ALDH1A2: variants seen among roughly 807,000 people sequenced by gnomAD.
The protein encoded by ALDH1A2 is aldehyde dehydrogenase 1 family member A2.
In ALDH1A2, 27 loss-of-function variants were observed where a neutral mutation model predicts 60.3. The observed-to-expected ratio is 0.45, with a 90% CI of 0.33 to 0.62. The LOEUF (loss-of-function observed/expected upper bound fraction) is 0.62, where lower values mean the gene tolerates loss of function less well. Among genes scored for constraint, ALDH1A2 ranks in the 20% least tolerant of loss-of-function variants. ALDH1A2 has a pLI of 0.02. For synonymous variants in ALDH1A2, 289 were observed against 232.4 expected, an observed-to-expected ratio of 1.24 and a Z score of -2.21; for missense variants, 581 against 643.8, an observed-to-expected ratio of 0.90 and a Z score of 1.06.
intron 1 of ALDH1A2, among the ~76,000 whole-genome samples, chr15:58,059,063 A>C (rs772260273): frequency 6.6e-6 from 1 of 152,224 alleles, no homozygotes; most frequent in Non-Finnish European, 1.5e-5. Context: ...ATAAGCTCTA[A>C]GATTTTGAAG....
chr15:58,057,973 T>C (rs1896938107), intron 1 of ALDH1A2: 2 of 975,730 alleles, frequency 2.0e-6, no homozygotes, highest in African/African-American at 1.7e-5. Context: ...AATACAATTA[T>C]ATTATCAAAC....
chr15:58,014,781 C>A (rs777972104), intron 1 of ALDH1A2, among the ~76,000 whole-genome samples: 3 of 152,190 alleles, frequency 2.0e-5, no homozygotes, highest in Non-Finnish European at 2.9e-5. Flanking sequence ...ACCAAACTAA[C>A]TAGTTAGTTC....
At chr15:57,995,551 T>C (rs139499002) in intron 4 of ALDH1A2, among the ~76,000 whole-genome samples, 1 of 152,090 alleles carries the variant, frequency 6.6e-6, no homozygotes, top group African/African-American at 2.4e-5. Context: ...TAAAATAAAC[T>C]AAGTAAAATG....
chr15:58,033,064 C>T (rs1323662500), intron 1 of ALDH1A2, among the ~76,000 whole-genome samples: 1 of 151,788 alleles, frequency 6.6e-6, no homozygotes, highest in African/African-American at 2.4e-5. Context: ...TTAAAGGATA[C>T]CTATAGTAAG....
rs1893710923 is a variant in ALDH1A2 at position 57,961,276 on chromosome 15, C to G, written c.1270G>C (p.Glu424Gln). Residue 424 changes from glutamate (E) to glutamine (Q), a missense_variant, in exon 11 of 13, where the codon GAA becomes CAA. Coordinates refer to ENST00000249750, the MANE Select transcript of ALDH1A2 (RefSeq NM_003888.4). ...AKEEIFGPVQ[E>Q]ILRFKTMDEV... ...TCCATCGTCTTAAATCTCAAAATTTCCTGAACAGGGCCAAAGATCTGCAAA... is the reference window on the plus strand; with the variant it reads ...TCCATCGTCTTAAATCTCAAAATTTGCTGAACAGGGCCAAAGATCTGCAAA... 1 of 1,613,898 alleles carries G rather than the reference C, an allele frequency of 6.2e-7. No individual in the cohort carries two copies. The highest frequency in any genetic ancestry group is 1.1e-5 in the South Asian group (1 of 91,070).
chr15:58,037,285 A>T (rs1287735927), intron 1 of ALDH1A2, among the ~76,000 whole-genome samples: 2 of 151,734 alleles, frequency 1.3e-5, no homozygotes, highest in African/African-American at 4.8e-5. Flanking sequence ...AGAAAAGAGA[A>T]AGAATTTTTA....
chr15:57,976,676 T>G (rs1012147474), intron 7 of ALDH1A2, among the ~76,000 whole-genome samples: 1 of 152,258 alleles, frequency 6.6e-6, no homozygotes, highest in Non-Finnish European at 1.5e-5. Flanking sequence ...GATGGGCATC[T>G]GGGTTGGTTC....
At chr15:58,031,154 T>C (rs1316403577) in intron 1 of ALDH1A2, among the ~76,000 whole-genome samples, 2 of 152,152 alleles carry the variant, frequency 1.3e-5, no homozygotes, top group African/African-American at 2.4e-5. Flanking sequence ...CTGGTACTAG[T>C]ACCAGCACAG....
rs765118269 is a variant in ALDH1A2 at position 58,065,680 on chromosome 15, G to A, written c.-30C>T. ...GCGGGCCGGGTGTCCCTAGCCCGCG[G>A]CGTGGGGCAGTGCGGGCTGTGCGCG... is the stretch of plus-strand genomic sequence containing the variant. On this transcript the variant is annotated 5_prime_UTR_variant, in exon 1 of 13. Coordinates refer to ENST00000249750, the MANE Select transcript of ALDH1A2 (RefSeq NM_003888.4). 1.5e-5 allele frequency: 23 copies of A among 1,491,330 alleles called. No homozygotes were observed. Among genetic ancestry groups the A allele is most frequent in the African/African-American group, 4.2e-5 (3 of 71,674 alleles). 92.4% of individuals were successfully genotyped at this position (1,491,330 alleles called of 1,614,324 possible). A position where few individuals can be genotyped will look rare whatever the true frequency, so the allele number is the denominator to read the frequency against.
intron 7 of ALDH1A2, chr15:57,979,813 G>A (rs544452301): frequency 1.6e-5 from 4 of 257,930 alleles, no homozygotes; most frequent in Non-Finnish European, 3.4e-5. Context: ...GTCAGCCACT[G>A]TGCCTGGCAG....
intron 7 of ALDH1A2, among the ~76,000 whole-genome samples, chr15:57,976,477 T>C (rs1425161802): frequency 6.6e-6 from 1 of 152,184 alleles, no homozygotes; most frequent in African/African-American, 2.4e-5. Flanking sequence ...CCATGCATCC[T>C]CATTGTTCAA....
chr15:57,967,123 C>T (rs1313687147), intron 7 of ALDH1A2, among the ~76,000 whole-genome samples: 3 of 151,606 alleles, frequency 2.0e-5, no homozygotes, highest in Admixed American at 1.3e-4. Context: ...TCGCAGGCAG[C>T]GGAGAACCCC....
intron 12 of ALDH1A2, 44 bp from the exon 13 acceptor site, chr15:57,955,313 G>T (rs1340641853): frequency 6.2e-7 from 1 of 1,605,552 alleles, no homozygotes; most frequent in East Asian, 2.2e-5. Context: ...GAAGTCCAGG[G>T]AGCTGCATGT....
At chr15:57,979,478 C>T (rs1894402719) in intron 7 of ALDH1A2, among the ~76,000 whole-genome samples, 1 of 152,096 alleles carries the variant, frequency 6.6e-6, no homozygotes, top group African/African-American at 2.4e-5. Flanking sequence ...CAGGGACCCT[C>T]ACCATACACA....
intron 1 of ALDH1A2, among the ~76,000 whole-genome samples, chr15:58,028,779 A>G (rs1896148741): frequency 6.6e-6 from 1 of 152,196 alleles, no homozygotes; most frequent in Non-Finnish European, 1.5e-5. Flanking sequence ...ACTTTAAACC[A>G]ACAAAGATCA....
rs1893463973 is a variant in ALDH1A2 at position 57,954,852 on chromosome 15, T to C, written c.*345A>G. ...AGACAGGAGAAAGGTCACCTTTCCT[T>C]GAGAGGAAAGTTCTTTGTGACAAAG... On this transcript the variant is annotated 3_prime_UTR_variant, in exon 13 of 13. Transcript: ENST00000249750. The C allele has an allele frequency of 3.0e-6, 1 of 333,126 alleles. No individual in the cohort carries two copies. Among genetic ancestry groups the C allele is most frequent in the Non-Finnish European group, 5.8e-6 (1 of 173,910 alleles). 20.6% of individuals were successfully genotyped at this position (333,126 alleles called of 1,614,324 possible).
At chr15:57,964,806 G>C (rs969324487) in intron 8 of ALDH1A2, 2 of 152,220 alleles carry the variant, frequency 1.3e-5, no homozygotes, top group Non-Finnish European at 2.9e-5. Context: ...CTGAATAAAT[G>C]AATCAGTCAA....
At chr15:58,020,064 T>G (rs1176861048) in intron 1 of ALDH1A2, among the ~76,000 whole-genome samples, 2 of 150,916 alleles carry the variant, frequency 1.3e-5, no homozygotes, top group Admixed American at 1.3e-4. Flanking sequence ...CACTTATAAG[T>G]GAGAACATGT....
At chr15:58,061,610 C>CAAAAAAAAAAAAAAAAAAAAAAAAAAA (rs1216992550) in intron 1 of ALDH1A2, among the ~76,000 whole-genome samples, 2 of 100,330 alleles carry the variant, frequency 2.0e-5, no homozygotes, top group Non-Finnish European at 4.2e-5. Flanking sequence ...AAAAAAAAAA[C>CAAAAAAAAAAAAAAAAAAAAAAAAAAA]AAAAAAAAAA....
Sources: gnomAD v4.1 joint callset for allele counts (sites outside exome capture counted in the v4.1 genomes callset) on GRCh38, gnomAD v4.1.1 for gene constraint, MANE v1.5 for transcripts, NCBI Gene and HGNC (gene_info 2026-07-23, HGNC 2026-07-21) for gene names.